The following HTR4 variants were observed in gnomAD, a reference collection of about 807,000 sequenced individuals.
HTR4 encodes the protein 5-hydroxytryptamine (serotonin) receptor 4, G protein-coupled.
Under a neutral mutation model 36.8 loss-of-function variants are expected in HTR4, and 16 were observed. The observed-to-expected ratio is 0.43, with a 90% CI of 0.29 to 0.66. The LOEUF is 0.66. HTR4 is among the 30% of genes least tolerant of loss of function. The pLI is 0.13. For synonymous variants in HTR4, 189 were observed against 185.1 expected, an observed-to-expected ratio of 1.02 and a Z score of -0.17; for missense variants, 438 against 490.9, an observed-to-expected ratio of 0.89 and a Z score of 1.02.
At chr5:148,615,015 A>G (rs1451768557) in intron 2 of HTR4, among the ~76,000 whole-genome samples, 12 of 152,168 alleles carry the variant, frequency 7.9e-5, no homozygotes, top group Non-Finnish European at 1.3e-4. Flanking sequence ...GGCAATCATT[A>G]AAAGTCAGGA....
intron 6 of HTR4, among the ~76,000 whole-genome samples, chr5:148,502,317 G>C (rs1413461291): frequency 6.6e-6 from 1 of 152,196 alleles, no homozygotes; most frequent in East Asian, 1.9e-4. Context: ...GGAACGATCA[G>C]GCAGCAACAT....
intron 2 of HTR4, among the ~76,000 whole-genome samples, chr5:148,625,982 C>T (rs952040370): frequency 1.3e-5 from 2 of 151,882 alleles, no homozygotes; most frequent in African/African-American, 4.8e-5. Flanking sequence ...CTACTCATAG[C>T]CTATTCCCCT....
chr5:148,490,870 T>C (rs1366889652), intron 6 of HTR4: 1 of 481,314 alleles, frequency 2.1e-6, no homozygotes, highest in Non-Finnish European at 4.0e-6. Flanking sequence ...AAAACAATAA[T>C]TATGACCTAA....
intron 2 of HTR4, among the ~76,000 whole-genome samples, chr5:148,554,432 A>G (rs1759839079): frequency 6.6e-6 from 1 of 152,232 alleles, no homozygotes; most frequent in Non-Finnish European, 1.5e-5. Flanking sequence ...TAAATGAAAC[A>G]AATAAATAAG....
intron 6 of HTR4, chr5:148,490,687 C>T (rs1444546706): frequency 8.4e-7 from 1 of 1,195,972 alleles, no homozygotes; most frequent in East Asian, 6.5e-5. Flanking sequence ...GACTGATGGT[C>T]ATCCAATTGT....
chr5:148,487,680 C>A (rs114671727), intron 6 of HTR4, among the ~76,000 whole-genome samples: 2 of 149,396 alleles, frequency 1.3e-5, no homozygotes, highest in South Asian at 4.2e-4. Flanking sequence ...TACCAGAGAG[C>A]GAGCTTAGAG....
chr5:148,610,221 C>T (rs1220711865), intron 2 of HTR4, among the ~76,000 whole-genome samples: 1 of 152,162 alleles, frequency 6.6e-6, no homozygotes, highest in African/African-American at 2.4e-5. Context: ...ATAGGAACAG[C>T]TCCGGTCTAC....
chr5:148,513,468 C>T (rs1203828367), intron 5 of HTR4, among the ~76,000 whole-genome samples: 2 of 152,150 alleles, frequency 1.3e-5, no homozygotes, highest in African/African-American at 2.4e-5. Context: ...TATGGCTCCA[C>T]GTTTGGATTT....
intron 6 of HTR4, among the ~76,000 whole-genome samples, chr5:148,485,496 G>C (rs10051356): frequency 0.4 from 60,552 of 152,042 alleles, 13,782 homozygotes; most frequent in African/African-American, 0.65. Flanking sequence ...TGAATATGTA[G>C]AGGGGTGCAT....
chr5:148,532,323 G>A (rs1470397606), intron 4 of HTR4, among the ~76,000 whole-genome samples: 1 of 152,190 alleles, frequency 6.6e-6, no homozygotes, highest in African/African-American at 2.4e-5. Flanking sequence ...CCCAACTGAT[G>A]TATAAGTTCC....
chr5:148,479,260 G>T (rs1755800554), downstream of HTR4, among the ~76,000 whole-genome samples: 2 of 151,916 alleles, frequency 1.3e-5, no homozygotes, highest in Admixed American at 1.3e-4. Flanking sequence ...GGGGCCCGGG[G>T]CTACTAGCTT....
chr5:148,618,719 T>A (rs547578214), intron 2 of HTR4, among the ~76,000 whole-genome samples: 4 of 152,314 alleles, frequency 2.6e-5, no homozygotes, highest in Admixed American at 6.5e-5. Flanking sequence ...GGACCTCCTA[T>A]CAGGCTGCTC....
chr5:148,462,794 T>A (rs1755310030), intron 5 of HTR4, among the ~76,000 whole-genome samples: 1 of 152,278 alleles, frequency 6.6e-6, no homozygotes, highest in Middle Eastern at 3.4e-3. Context: ...TAACAATGTA[T>A]ACACAGAATT....
In HTR4 at chr5:148,481,858, C is replaced by A; in HGVS notation, c.*1345G>T. The A allele has an allele frequency of 7.1e-6, 9 of 1,269,860 alleles. No homozygotes were observed. Among genetic ancestry groups the A allele is most frequent in the Non-Finnish European group, 7.9e-6 (8 of 1,011,468 alleles). 78.7% of individuals were successfully genotyped at this position (1,269,860 alleles called of 1,614,324 possible). ...AAGACATCCAGATTAATCTGAAGGACAAAGCTGGAAAGGTCAGGGGTCTAA... is the reference window on the plus strand; with the variant it reads ...AAGACATCCAGATTAATCTGAAGGAAAAAGCTGGAAAGGTCAGGGGTCTAA... On this transcript the variant is annotated 3_prime_UTR_variant, in exon 7 of 7. Coordinates refer to ENST00000377888, the MANE Select transcript of HTR4 (RefSeq NM_000870.7).
At chr5:148,462,550 A>G (rs1158939483) in intron 5 of HTR4, among the ~76,000 whole-genome samples, 1 of 152,118 alleles carries the variant, frequency 6.6e-6, no homozygotes, top group Non-Finnish European at 1.5e-5. Context: ...AGAAAGTACC[A>G]GGCTGAGATG....
chr5:148,503,973 G>A (rs965338229), intron 6 of HTR4, among the ~76,000 whole-genome samples: 2 of 152,182 alleles, frequency 1.3e-5, no homozygotes, highest in Non-Finnish European at 2.9e-5. Context: ...ACCCAATACA[G>A]GCGGACCCAG....
At chr5:148,492,736 A>G (rs1267873711) in intron 6 of HTR4, among the ~76,000 whole-genome samples, 1 of 152,214 alleles carries the variant, frequency 6.6e-6, no homozygotes, top group Non-Finnish European at 1.5e-5. Context: ...TATTATGTCC[A>G]TTTTACAGAT....
At chr5:148,617,629 C>A (rs2127290214) in intron 2 of HTR4, among the ~76,000 whole-genome samples, 1 of 152,052 alleles carries the variant, frequency 6.6e-6, no homozygotes, top group African/African-American at 2.4e-5. Flanking sequence ...CCACCACACC[C>A]AGCTAATTTT....
intron 6 of HTR4, chr5:148,484,306 C>T: frequency 1.2e-6 from 2 of 1,613,662 alleles, no homozygotes; most frequent in Non-Finnish European, 1.7e-6. Flanking sequence ...CTCAATGTGC[C>T]TGAGAATGGA....
Sources: allele counts gnomAD v4.1 joint callset (sites outside exome capture counted in the v4.1 genomes callset), GRCh38; gene constraint gnomAD v4.1.1; transcripts MANE v1.5; gene names NCBI Gene and HGNC (gene_info 2026-07-23, HGNC 2026-07-21).